Variants in PPM1H observed in about 807,000 individuals in gnomAD.
PPM1H encodes the protein protein phosphatase, Mg2+/Mn2+ dependent 1H, also known as protein phosphatase 1H.
PPM1H carries 27 observed loss-of-function variants against 54.9 expected under a neutral mutation model. The ratio of observed to expected loss-of-function variants is 0.49; its 90% CI spans 0.36 to 0.68. The LOEUF (loss-of-function observed/expected upper bound fraction) is 0.68. Among genes scored for constraint, PPM1H ranks in the 30% least tolerant of loss-of-function variants. The pLI is 0.00. For synonymous variants in PPM1H, 305 were observed against 270.8 expected (o/e 1.13, Z -1.24); for missense variants, 596 against 667.8 (o/e 0.89, Z 1.19).
chr12:62,927,584 C>T (rs768915423), intron 1 of PPM1H, among the ~76,000 whole-genome samples: 3 of 151,526 alleles, frequency 2.0e-5, no homozygotes, highest in Non-Finnish European at 4.4e-5. Flanking sequence ...ATCACTTGAA[C>T]CCAGGAGGCA....
chr12:62,796,917 T>C (rs1208227495), intron 3 of PPM1H, among the ~76,000 whole-genome samples: 1 of 152,240 alleles, frequency 6.6e-6, no homozygotes, highest in Non-Finnish European at 1.5e-5. Context: ...CCTGCCTTGG[T>C]CTTTTTGATG....
At chr12:62,730,012 C>T (rs1272452957) in intron 5 of PPM1H, among the ~76,000 whole-genome samples, 3 of 152,106 alleles carry the variant, frequency 2.0e-5, no homozygotes, top group Admixed American at 6.6e-5. Context: ...AATTCCTTCT[C>T]CTGGCTCATC....
At chr12:62,774,873 G>C (rs2076600640) in intron 4 of PPM1H, among the ~76,000 whole-genome samples, 1 of 152,138 alleles carries the variant, frequency 6.6e-6, no homozygotes, top group South Asian at 2.1e-4. Flanking sequence ...TCCAAAAACA[G>C]GTGGCGATCC....
At chr12:62,798,141 A>C (rs1157404032) in intron 3 of PPM1H, among the ~76,000 whole-genome samples, 1 of 152,252 alleles carries the variant, frequency 6.6e-6, no homozygotes, top group Non-Finnish European at 1.5e-5. Context: ...CACAGATCAC[A>C]GAGACAGTCT....
At chr12:62,727,211 T>C (rs965811035) in intron 5 of PPM1H, among the ~76,000 whole-genome samples, 1 of 152,036 alleles carries the variant, frequency 6.6e-6, no homozygotes, top group Non-Finnish European at 1.5e-5. Context: ...CGGCCATGTG[T>C]CCATCATTTT....
intron 2 of PPM1H, among the ~76,000 whole-genome samples, chr12:62,811,622 T>G (rs1383853672): frequency 6.6e-6 from 1 of 152,094 alleles, no homozygotes; most frequent in African/African-American, 2.4e-5. Context: ...CTGTCGGAGG[T>G]CATTGAATCA....
At chr12:62,662,026 C>T (rs1386071357) in intron 9 of PPM1H, among the ~76,000 whole-genome samples, 1 of 152,200 alleles carries the variant, frequency 6.6e-6, no homozygotes, top group Non-Finnish European at 1.5e-5. Context: ...TCTTTCCCAT[C>T]CTGTTTGTTC....
chr12:62,799,462 A>ACATTG (rs1352233369), intron 3 of PPM1H, among the ~76,000 whole-genome samples: 4 of 152,232 alleles, frequency 2.6e-5, no homozygotes, highest in Non-Finnish European at 5.9e-5. Flanking sequence ...ACATTACATT[A>ACATTG]CAAGGAGAGC....
At chr12:62,793,740 CAAAA>C (rs34457644) in intron 3 of PPM1H, among the ~76,000 whole-genome samples, 15 of 61,226 alleles carry the variant, frequency 2.4e-4, no homozygotes, top group Admixed American at 1.7e-3. Context: ...AACTCCGTTT[CAAAA>C]AAAAAAAAAA....
chr12:62,818,758 C>A (rs1343827940), intron 2 of PPM1H, among the ~76,000 whole-genome samples: 1 of 152,130 alleles, frequency 6.6e-6, no homozygotes, highest in African/African-American at 2.4e-5. Context: ...ATTGAGAACG[C>A]CCTTCTCTAC....
In PPM1H at chr12:62,654,147, A is replaced by G. The variant is rs1384369805; in HGVS notation, c.1398-5511T>C. On this transcript the variant is annotated intron_variant, in intron 9 of 9. Coordinates refer to ENST00000228705, the MANE Select transcript of PPM1H (RefSeq NM_020700.2). ...CTACTCGGGAGGCTGAGGTGGGAAGATCTCTAGAGCCTGGGAAGCGAGGCT... is the reference window on the plus strand; with the variant it reads ...CTACTCGGGAGGCTGAGGTGGGAAGGTCTCTAGAGCCTGGGAAGCGAGGCT... 3.5e-5 allele frequency among the ~76,000 whole-genome samples: 5 copies of G among 143,114 alleles called. No individual in the cohort carries two copies. The Admixed American group carries it at 3.7e-4, about 11-fold the overall frequency. The allele number at this position is 143,114 out of a possible 152,430, so 93.9% of individuals were successfully genotyped here.
chr12:62,724,655 A>G (rs2076280344), intron 5 of PPM1H, among the ~76,000 whole-genome samples: 1 of 152,206 alleles, frequency 6.6e-6, no homozygotes, highest in Admixed American at 6.5e-5. Flanking sequence ...CAGGATAACA[A>G]CAGGGTATGA....
intron 6 of PPM1H, among the ~76,000 whole-genome samples, chr12:62,712,968 G>A (rs183282271): frequency 7.2e-4 from 110 of 152,306 alleles, no homozygotes; most frequent in African/African-American, 2.5e-3. Flanking sequence ...ATTCTGTGGC[G>A]TTTCTCAATC....
chr12:62,857,237 T>C (rs141368143), intron 1 of PPM1H, among the ~76,000 whole-genome samples: 1 of 145,024 alleles, frequency 6.9e-6, no homozygotes, highest in Non-Finnish European at 1.5e-5. Context: ...AACAAACAAA[T>C]AAAGGAAGGA....
At chr12:62,777,958 G>A (rs1434797423) in intron 4 of PPM1H, among the ~76,000 whole-genome samples, 3 of 152,172 alleles carry the variant, frequency 2.0e-5, no homozygotes, top group Admixed American at 2.0e-4. Flanking sequence ...CAAGATGAAA[G>A]TGGATCTTGG....
chr12:62,696,341 C>T (rs1218310709), intron 6 of PPM1H, among the ~76,000 whole-genome samples: 2 of 152,090 alleles, frequency 1.3e-5, no homozygotes, highest in African/African-American at 4.8e-5. Flanking sequence ...TCAGGAACAA[C>T]AAAACATTAG....
At chr12:62,653,116 G>A (rs1002916756) in intron 9 of PPM1H, among the ~76,000 whole-genome samples, 1 of 151,988 alleles carries the variant, frequency 6.6e-6, no homozygotes, top group African/African-American at 2.4e-5. Context: ...TCCTTTATAG[G>A]TAAATGGCTT....
chr12:62,884,117 C>T (rs28620298), intron 1 of PPM1H, among the ~76,000 whole-genome samples: 5,389 of 151,884 alleles, frequency 0.035, 273 homozygotes, highest in African/African-American at 0.11. Context: ...TGCCTGGTGA[C>T]CCCCGTCCCT....
At chr12:62,761,030 G>C (rs1038557573) in intron 4 of PPM1H, among the ~76,000 whole-genome samples, 1 of 152,084 alleles carries the variant, frequency 6.6e-6, no homozygotes, top group Non-Finnish European at 1.5e-5. Context: ...AAAAGATAAG[G>C]ACTAATCCAG....
Sources: gnomAD v4.1 joint callset for allele counts (sites outside exome capture counted in the v4.1 genomes callset) on GRCh38, gnomAD v4.1.1 for gene constraint, MANE v1.5 for transcripts, NCBI Gene and HGNC (gene_info 2026-07-23, HGNC 2026-07-21) for gene names.